BNC2: variants seen among roughly 807,000 people sequenced by gnomAD.
BNC2 encodes the protein basonuclin zinc finger protein 2, also known as zinc finger protein basonuclin-2.
In BNC2, 20 loss-of-function variants were observed where a neutral mutation model predicts 76.3. That is an observed-to-expected ratio of 0.26 (90% CI 0.18 to 0.38). The LOEUF is 0.38. Ranked by LOEUF, BNC2 falls within the 10% of genes least tolerant of loss-of-function variation. BNC2 has a pLI of 1.00. For synonymous variants in BNC2, 582 were observed against 514.8 expected (o/e 1.13, Z -1.77); for missense variants, 1,382 against 1,399.8 (o/e 0.99, Z 0.20).
intron 3 of BNC2, among the ~76,000 whole-genome samples, chr9:16,662,561 C>A (rs757111432): frequency 1.3e-5 from 2 of 152,080 alleles, no homozygotes; most frequent in Non-Finnish European, 1.5e-5. Flanking sequence ...TATGGTGAAA[C>A]CTCGTCTCCA....
At position 16,665,792 on chromosome 9, in the gene BNC2, G is replaced by A. The variant is rs59012240; in HGVS notation, c.330+62005C>T. On this transcript the variant is annotated intron_variant, in intron 3 of 6. Transcript: ENST00000380672. ...TCATTACAAACATGATCCTTACTAA[G>A]TAGGCATTTCATTTCTTAAAAATTA... Among the ~76,000 whole-genome samples the A allele has an allele frequency of 7.8e-3, 1,183 of 152,250 alleles. 24 individuals carry two copies. The highest frequency in any genetic ancestry group is 0.026 in the African/African-American group (1,099 of 41,556).
intron 5 of BNC2, among the ~76,000 whole-genome samples, chr9:16,494,594 G>C (rs1372545452): frequency 1.3e-5 from 2 of 152,184 alleles, no homozygotes; most frequent in Admixed American, 6.6e-5. Flanking sequence ...GAGATGTGAA[G>C]GCAAAATTTT....
intron 3 of BNC2, among the ~76,000 whole-genome samples, chr9:16,723,306 G>C (rs1192446847): frequency 2.6e-5 from 4 of 152,022 alleles, no homozygotes; most frequent in Non-Finnish European, 5.9e-5. Flanking sequence ...GCTTTACTCA[G>C]GGCTTTGATT....
intron 5 of BNC2, among the ~76,000 whole-genome samples, chr9:16,551,226 T>A (rs1818652859): frequency 6.6e-6 from 1 of 152,338 alleles, no homozygotes; most frequent in Admixed American, 6.5e-5. Context: ...CAGTTGAGAT[T>A]CTCACTAAAT....
chr9:16,598,431 A>G (rs991349440), intron 3 of BNC2, among the ~76,000 whole-genome samples: 7 of 152,210 alleles, frequency 4.6e-5, no homozygotes, highest in Admixed American at 1.3e-4. Flanking sequence ...TTTAGCATGT[A>G]TTTACTAGCA....
chr9:16,587,606 T>C (rs1176543256), intron 3 of BNC2, among the ~76,000 whole-genome samples: 15 of 152,126 alleles, frequency 9.9e-5, no homozygotes, highest in Admixed American at 9.8e-4. Context: ...TCTTAAGAGA[T>C]CCACACGGTT....
chr9:16,813,344 C>T (rs1010830080), intron 1 of BNC2, among the ~76,000 whole-genome samples: 10 of 151,710 alleles, frequency 6.6e-5, no homozygotes, highest in African/African-American at 2.4e-4. Context: ...CGGCTCACTG[C>T]AAGCTCCACC....
intron 1 of BNC2, among the ~76,000 whole-genome samples, chr9:16,748,840 CAAAAAAAAAAAAAA>C (rs33931163): frequency 5.2e-5 from 3 of 57,236 alleles, no homozygotes; most frequent in African/African-American, 2.1e-4. Context: ...GAAACCGTCT[CAAAAAAAAAAAAAA>C]AAAAAAAAAA....
At chr9:16,722,818 C>T (rs1390607093) in intron 3 of BNC2, among the ~76,000 whole-genome samples, 1 of 152,150 alleles carries the variant, frequency 6.6e-6, no homozygotes, top group Non-Finnish European at 1.5e-5. Context: ...TTTCCCACTG[C>T]ATTACAAATG....
chr9:16,612,613 C>T (rs771245339), intron 3 of BNC2, among the ~76,000 whole-genome samples: 2 of 152,128 alleles, frequency 1.3e-5, no homozygotes, highest in African/African-American at 2.4e-5. Flanking sequence ...GAATTCTAAA[C>T]CCTGACATGT....
intron 1 of BNC2, among the ~76,000 whole-genome samples, chr9:16,749,646 G>T (rs1180011536): frequency 1.3e-5 from 2 of 151,214 alleles, no homozygotes; most frequent in Non-Finnish European, 2.9e-5. Context: ...GCTGCAGTGA[G>T]CCATGATTGT....
At chr9:16,604,335 G>C (rs1259944468) in intron 3 of BNC2, among the ~76,000 whole-genome samples, 2 of 152,106 alleles carry the variant, frequency 1.3e-5, no homozygotes, top group Admixed American at 1.3e-4. Context: ...GTGAAACACA[G>C]AACTGCTATG....
chr9:16,527,785 A>C (rs977989943), intron 5 of BNC2, among the ~76,000 whole-genome samples: 22 of 152,200 alleles, frequency 1.4e-4, no homozygotes, highest in Non-Finnish European at 1.0e-4. Context: ...TCAAATCCTG[A>C]GTTATTCAAG....
intron 3 of BNC2, among the ~76,000 whole-genome samples, chr9:16,717,124 T>C (rs1053700960): frequency 6.0e-4 from 91 of 152,316 alleles, no homozygotes; most frequent in African/African-American, 2.1e-3. Context: ...TGTGAGCAAT[T>C]AGAAATAGAC....
At chr9:16,793,646 ATCTTTTTTTTT>A (rs1291293673) in intron 1 of BNC2, among the ~76,000 whole-genome samples, 11 of 96,944 alleles carry the variant, frequency 1.1e-4, no homozygotes, top group Non-Finnish European at 1.2e-4. Flanking sequence ...TGCCTTCCAC[ATCTTTTTTTTT>A]TTTTTTTTTT....
chr9:16,781,132 C>T lies in BNC2; in HGVS notation c.4-42647G>A, dbSNP rs574276611. The stretch of plus-strand genomic sequence containing the variant: ...GTTTCATGTTTTTATTAATGCAAAA[C>T]GACATTACCCTTCAGTTTTGTGTCC... On this transcript the variant is annotated intron_variant, in intron 1 of 6. Transcript: ENST00000380672. Among the ~76,000 whole-genome samples the T allele has an allele frequency of 3.9e-5, 6 of 151,924 alleles. No homozygotes were observed. In the South Asian group the frequency reaches 8.3e-4, roughly 21 times the overall value.
At chr9:16,613,084 C>T (rs1365982250) in intron 3 of BNC2, among the ~76,000 whole-genome samples, 5 of 152,022 alleles carry the variant, frequency 3.3e-5, no homozygotes, top group African/African-American at 1.2e-4. Context: ...TACCTAGGAC[C>T]ATAAGGTTAG....
At chr9:16,810,402 C>A (rs76231760) in intron 1 of BNC2, among the ~76,000 whole-genome samples, 1 of 152,166 alleles carries the variant, frequency 6.6e-6, no homozygotes, top group Admixed American at 6.5e-5. Context: ...CACCTGGATA[C>A]CCACAGCCTA....
chr9:16,750,134 T>C (rs1372735723), intron 1 of BNC2, among the ~76,000 whole-genome samples: 2 of 152,182 alleles, frequency 1.3e-5, no homozygotes, highest in African/African-American at 2.4e-5. Flanking sequence ...TTTTCTGTTT[T>C]AAAGAATCTA....
Sources: allele counts gnomAD v4.1 joint callset (sites outside exome capture counted in the v4.1 genomes callset), GRCh38; gene constraint gnomAD v4.1.1; transcripts MANE v1.5; gene names NCBI Gene and HGNC (gene_info 2026-07-23, HGNC 2026-07-21).